GPHN: variants seen among roughly 807,000 people sequenced by gnomAD.
The protein encoded by GPHN is gephyrin.
In GPHN, 17 loss-of-function variants were observed where a neutral mutation model predicts 95.5. That is an observed-to-expected ratio of 0.18 (90% CI 0.12 to 0.27). The LOEUF (loss-of-function observed/expected upper bound fraction) is 0.27, where lower values mean the gene tolerates loss of function less well. Ranked by LOEUF, GPHN falls within the 10% of genes least tolerant of loss-of-function variation. The probability of loss-of-function intolerance (pLI) is 1.00; values close to 1 mark genes in which losing one functional copy is unlikely to be tolerated. For synonymous variants in GPHN, 320 were observed against 322.5 expected (o/e 0.99, Z 0.08); for missense variants, 660 against 978.1 (o/e 0.67, Z 4.34).
intron 2 of GPHN, among the ~76,000 whole-genome samples, chr14:66,723,982 T>TATACAC (rs2070990157): frequency 7.0e-6 from 1 of 143,146 alleles, no homozygotes; most frequent in African/African-American, 2.6e-5. Context: ...ATGTCATGCA[T>TATACAC]ACATACACAC....
At chr14:66,559,707 G>T (rs1239446223) in intron 1 of GPHN, among the ~76,000 whole-genome samples, 2 of 151,540 alleles carry the variant, frequency 1.3e-5, no homozygotes, top group Non-Finnish European at 3.0e-5. Context: ...CACTCTGATG[G>T]TAGTTTCTTT....
the GPHN span, chr14:67,593,738 C>T: frequency 1.3e-6 from 2 of 1,581,756 alleles, no homozygotes; most frequent in Non-Finnish European, 8.7e-7. Flanking sequence ...CTTTTAAATA[C>T]TTACCATGTA....
the GPHN span, among the ~76,000 whole-genome samples, chr14:67,549,342 C>T: frequency 7.7e-4 from 117 of 151,786 alleles, no homozygotes; most frequent in African/African-American, 2.8e-3. Context: ...GTGATCTCAG[C>T]TCACTGCAAC....
At chr14:66,511,660 T>G (rs1435486658) in intron 1 of GPHN, among the ~76,000 whole-genome samples, 1 of 152,094 alleles carries the variant, frequency 6.6e-6, no homozygotes, top group Non-Finnish European at 1.5e-5. Flanking sequence ...ATTTGGCAAA[T>G]TTAGTACATA....
chr14:67,420,758 C>G, the GPHN span, among the ~76,000 whole-genome samples: 8 of 152,374 alleles, frequency 5.3e-5, no homozygotes, highest in Non-Finnish European at 2.9e-5. Flanking sequence ...AGTTGGGGCC[C>G]TTAGAAACTC....
chr14:67,601,145 A>G, the GPHN span, among the ~76,000 whole-genome samples: 1 of 152,286 alleles, frequency 6.6e-6, no homozygotes, highest in South Asian at 2.1e-4. Flanking sequence ...AGGACTTTAC[A>G]TAGGGCAGTC....
At chr14:66,825,384 C>T (rs771628298) in intron 4 of GPHN, among the ~76,000 whole-genome samples, 1 of 152,076 alleles carries the variant, frequency 6.6e-6, no homozygotes, top group Non-Finnish European at 1.5e-5. Flanking sequence ...ACCTTATTAA[C>T]ATTCCACAAG....
chr14:66,622,378 G>A (rs555886585), intron 1 of GPHN, among the ~76,000 whole-genome samples: 153 of 152,234 alleles, frequency 1.0e-3, no homozygotes, highest in Non-Finnish European at 9.0e-4. Flanking sequence ...TGATGGGAGG[G>A]GCTGCCATGA....
At chr14:67,612,504 C>T in the GPHN span, among the ~76,000 whole-genome samples, 2 of 152,174 alleles carry the variant, frequency 1.3e-5, no homozygotes, top group African/African-American at 4.8e-5. Flanking sequence ...TTATCTTCCT[C>T]TGGTAATTGA....
At chr14:67,022,778 G>A (rs2073726759) in intron 9 of GPHN, among the ~76,000 whole-genome samples, 1 of 151,558 alleles carries the variant, frequency 6.6e-6, no homozygotes, top group African/African-American at 2.4e-5. Flanking sequence ...AATTTGTTGT[G>A]TATATATCCA....
intron 2 of GPHN, among the ~76,000 whole-genome samples, chr14:66,749,236 A>T (rs1333968172): frequency 6.6e-6 from 1 of 151,862 alleles, no homozygotes; most frequent in African/African-American, 2.4e-5. Context: ...TTTATCATCC[A>T]CTCACCTACT....
the GPHN span, chr14:67,364,707 A>ATTTTTTT: frequency 1.5e-6 from 2 of 1,356,942 alleles, no homozygotes; most frequent in Non-Finnish European, 9.9e-7. Context: ...GTGGAAATTG[A>ATTTTTTT]TTTTTTTTTT....
chr14:67,288,791 C>T, the GPHN span, among the ~76,000 whole-genome samples: 2 of 152,090 alleles, frequency 1.3e-5, no homozygotes, highest in Non-Finnish European at 2.9e-5. Context: ...TAGATTCTGG[C>T]TATCCCTCAG....
the GPHN span, among the ~76,000 whole-genome samples, chr14:67,440,659 C>T: frequency 2.6e-5 from 4 of 151,820 alleles, no homozygotes; most frequent in East Asian, 3.9e-4. Flanking sequence ...GGCTGAGGCA[C>T]GAGAATCACT....
the GPHN span, among the ~76,000 whole-genome samples, chr14:67,500,299 C>T: frequency 6.6e-6 from 1 of 152,010 alleles, no homozygotes; most frequent in Admixed American, 6.6e-5. Context: ...CATGGTGAAA[C>T]CTTGTCTCTA....
intron 11 of GPHN, among the ~76,000 whole-genome samples, chr14:67,061,699 A>T (rs2075829417): frequency 1.3e-5 from 2 of 151,354 alleles, no homozygotes; most frequent in Admixed American, 6.6e-5. Context: ...TTTTTAAGAG[A>T]CTAGGTCTCA....
chr14:67,395,663 G>A, the GPHN span: 2 of 1,145,784 alleles, frequency 1.7e-6, no homozygotes, highest in Admixed American at 1.9e-5. Context: ...CGGGGCCCCG[G>A]GAGAATCTAG....
intron 1 of GPHN, among the ~76,000 whole-genome samples, chr14:66,643,526 A>C (rs1289240354): frequency 6.6e-6 from 1 of 152,118 alleles, no homozygotes; most frequent in Non-Finnish European, 1.5e-5. Context: ...GTACATTCAT[A>C]GCATGGTATA....
chr14:67,271,909 A>G, the GPHN span: 1 of 152,124 alleles, frequency 6.6e-6, no homozygotes, highest in African/African-American at 2.4e-5. Flanking sequence ...CGTCTCTACT[A>G]AAAATACAAA....
Sources: allele counts gnomAD v4.1 joint callset (sites outside exome capture counted in the v4.1 genomes callset), GRCh38; gene constraint gnomAD v4.1.1; transcripts MANE v1.5; gene names NCBI Gene and HGNC (gene_info 2026-07-23, HGNC 2026-07-21).